Variants in PLCB1 observed in about 807,000 individuals in gnomAD.
PLCB1 encodes the protein phospholipase C beta 1, also known as 1-phosphatidylinositol 4,5-bisphosphate phosphodiesterase beta-1.
In PLCB1, 46 loss-of-function variants were observed where a neutral mutation model predicts 161.8. The ratio of observed to expected loss-of-function variants is 0.28; its 90% CI spans 0.22 to 0.36. The LOEUF (loss-of-function observed/expected upper bound fraction) is 0.36, where lower values mean the gene tolerates loss of function less well. Ranked by LOEUF, PLCB1 falls within the 10% of genes least tolerant of loss-of-function variation. The pLI is 1.00. For missense variants in PLCB1, 1,016 were observed against 1,472.5 expected (o/e 0.69, Z 5.07); for synonymous variants, 517 against 503.7 (o/e 1.03, Z -0.35).
chr20:8,532,776 A>G (rs1984864544), intron 3 of PLCB1, among the ~76,000 whole-genome samples: 1 of 152,152 alleles, frequency 6.6e-6, no homozygotes, highest in Admixed American at 6.5e-5. Context: ...GGAAAGGAAA[A>G]AAGGCAGGAA....
intron 3 of PLCB1, among the ~76,000 whole-genome samples, chr20:8,419,230 T>C (rs1979432113): frequency 6.6e-6 from 1 of 152,232 alleles, no homozygotes; most frequent in Admixed American, 6.5e-5. Flanking sequence ...CTGAACTTTG[T>C]AGAGTGCTTA....
At chr20:8,693,484 G>A (rs565006683) in intron 10 of PLCB1, among the ~76,000 whole-genome samples, 2 of 152,270 alleles carry the variant, frequency 1.3e-5, no homozygotes, top group South Asian at 4.2e-4. Context: ...GTTTCCTCAG[G>A]TGTAGCCATG....
In PLCB1 at chr20:8,544,699, C is replaced by G. The variant is rs373404807; in HGVS notation, c.247-83595C>G. ...AATTATTAGATGTTTCTGACACTGC[C>G]TTAACTTCAGGGCATGTGCAAGTTT... is the stretch of plus-strand genomic sequence containing the variant. On this transcript the variant is annotated intron_variant, in intron 3 of 31. Transcript: ENST00000338037. 3.7e-4 allele frequency among the ~76,000 whole-genome samples: 57 copies of G among 152,286 alleles called. No individual in the cohort carries two copies. In the South Asian group the frequency reaches 5.2e-3, roughly 14 times the overall value.
intron 3 of PLCB1, among the ~76,000 whole-genome samples, chr20:8,556,402 T>C (rs1199816321): frequency 6.6e-6 from 1 of 152,056 alleles, no homozygotes; most frequent in African/African-American, 2.4e-5. Flanking sequence ...TGATAGTTGT[T>C]ATAAACAATA....
intron 29 of PLCB1, among the ~76,000 whole-genome samples, chr20:8,789,009 A>G (rs1983624654): frequency 6.6e-6 from 1 of 152,212 alleles, no homozygotes; most frequent in Non-Finnish European, 1.5e-5. Flanking sequence ...TCTTCCTGGC[A>G]TTTAGTGAAA....
chr20:8,213,676 T>A (rs1978952748), intron 2 of PLCB1, among the ~76,000 whole-genome samples: 1 of 151,664 alleles, frequency 6.6e-6, no homozygotes. Flanking sequence ...ATAAGGGAAA[T>A]GGTGGTGGTG....
chr20:8,666,298 C>G (rs547342635), intron 9 of PLCB1, among the ~76,000 whole-genome samples: 5 of 152,122 alleles, frequency 3.3e-5, no homozygotes, highest in Non-Finnish European at 7.4e-5. Flanking sequence ...TGCTTGCACT[C>G]AAATCCTTGT....
intron 2 of PLCB1, among the ~76,000 whole-genome samples, chr20:8,196,808 T>A (rs1000618074): frequency 6.6e-6 from 1 of 151,998 alleles, no homozygotes; most frequent in Non-Finnish European, 1.5e-5. Flanking sequence ...CCTAATGCTA[T>A]CCCTACCCCC....
At chr20:8,265,288 C>T (rs763773170) in intron 2 of PLCB1, among the ~76,000 whole-genome samples, 7 of 152,136 alleles carry the variant, frequency 4.6e-5, no homozygotes, top group Admixed American at 2.6e-4. Context: ...AACACTTGGT[C>T]CTGAATCTGA....
intron 3 of PLCB1, among the ~76,000 whole-genome samples, chr20:8,584,879 T>A (rs534174874): frequency 3.3e-5 from 5 of 152,158 alleles, no homozygotes; most frequent in East Asian, 1.9e-4. Context: ...TTAATAGAGA[T>A]GATGTTTCAC....
chr20:8,465,698 A>T (rs946813060), intron 3 of PLCB1, among the ~76,000 whole-genome samples: 2 of 152,130 alleles, frequency 1.3e-5, no homozygotes, highest in African/African-American at 2.4e-5. Context: ...GAAGACATTT[A>T]TGCAGCCAAA....
intron 31 of PLCB1, among the ~76,000 whole-genome samples, chr20:8,877,091 C>T (rs1000826912): frequency 1.3e-5 from 2 of 152,164 alleles, no homozygotes; most frequent in African/African-American, 2.4e-5. Flanking sequence ...ACCATTCCCA[C>T]CTAACACCTT....
At chr20:8,446,735 A>G (rs184865289) in intron 3 of PLCB1, among the ~76,000 whole-genome samples, 1 of 152,222 alleles carries the variant, frequency 6.6e-6, no homozygotes, top group Non-Finnish European at 1.5e-5. Context: ...AGTATTAAAA[A>G]TTAGTAGAAG....
chr20:8,411,005 G>T (rs1979019750), intron 3 of PLCB1, among the ~76,000 whole-genome samples: 1 of 152,142 alleles, frequency 6.6e-6, no homozygotes, highest in Admixed American at 6.5e-5. Flanking sequence ...CTTTAATTGT[G>T]GACTTTTGAT....
chr20:8,575,607 T>G (rs1458284971), intron 3 of PLCB1, among the ~76,000 whole-genome samples: 1 of 152,220 alleles, frequency 6.6e-6, no homozygotes, highest in East Asian at 1.9e-4. Context: ...GTGGACAGGT[T>G]TATTTCACTG....
intron 3 of PLCB1, among the ~76,000 whole-genome samples, chr20:8,474,807 T>A (rs536522937): frequency 7.9e-5 from 12 of 152,102 alleles, no homozygotes; most frequent in Non-Finnish European, 1.8e-4. Flanking sequence ...ATTAAGAATT[T>A]TAAGAGATCT....
intron 2 of PLCB1, among the ~76,000 whole-genome samples, chr20:8,336,959 A>G (rs1343674128): frequency 6.6e-6 from 1 of 151,968 alleles, no homozygotes; most frequent in African/African-American, 2.4e-5. Context: ...CTGGTTGCTT[A>G]TATCTTTATT....
intron 31 of PLCB1, among the ~76,000 whole-genome samples, chr20:8,859,570 T>A (rs1393536403): frequency 1.3e-5 from 2 of 152,092 alleles, no homozygotes. Flanking sequence ...TTTGAAAACC[T>A]TTTGGTTTTT....
At chr20:8,739,082 C>T (rs1472442277) in intron 20 of PLCB1, among the ~76,000 whole-genome samples, 179 bp from the exon 21 acceptor site, 4 of 152,140 alleles carry the variant, frequency 2.6e-5, no homozygotes, top group African/African-American at 4.8e-5. Flanking sequence ...AACCCAGAGG[C>T]GGAGGTTGCA....
Sources: allele counts gnomAD v4.1 joint callset (sites outside exome capture counted in the v4.1 genomes callset), GRCh38; gene constraint gnomAD v4.1.1; transcripts MANE v1.5; gene names NCBI Gene and HGNC (gene_info 2026-07-23, HGNC 2026-07-21).